RBFOX1: variants seen among roughly 807,000 people sequenced by gnomAD.
RBFOX1 encodes RNA binding fox-1 homolog 1, also known as RNA binding protein fox-1 homolog 1.
RBFOX1 carries 8 observed loss-of-function variants against 57.7 expected under a neutral mutation model. That is an observed-to-expected ratio of 0.14 (90% confidence interval 0.08 to 0.25). RBFOX1 has a LOEUF of 0.25. RBFOX1 is among the 10% of genes least tolerant of loss of function. RBFOX1 has a pLI of 1.00. For synonymous variants in RBFOX1, 326 were observed against 222.4 expected, an observed-to-expected ratio of 1.47 and a Z score of -4.15; for missense variants, 611 against 548.5, an observed-to-expected ratio of 1.11 and a Z score of -1.14.
At chr16:5,529,318 T>C (rs1425634846) in intron 2 of RBFOX1, among the ~76,000 whole-genome samples, 1 of 151,986 alleles carries the variant, frequency 6.6e-6, no homozygotes, top group Admixed American at 6.6e-5. Flanking sequence ...GAAAATTGGA[T>C]TGTTCTGGTA....
chr16:6,898,931 G>A (rs566331272), intron 3 of RBFOX1, among the ~76,000 whole-genome samples: 2 of 151,382 alleles, frequency 1.3e-5, no homozygotes, highest in African/African-American at 4.9e-5. Context: ...GTATATGTGT[G>A]TATGTGTGTA....
intron 1 of RBFOX1, among the ~76,000 whole-genome samples, chr16:6,242,629 AACACAC>A (rs57154832): frequency 1.8e-3 from 248 of 141,624 alleles, no homozygotes; most frequent in African/African-American, 6.3e-3. Flanking sequence ...ATTTATTGCA[AACACAC>A]ACACACACAC....
intron 2 of RBFOX1, among the ~76,000 whole-genome samples, chr16:6,549,515 G>T (rs1311696017): frequency 1.7e-5 from 2 of 120,308 alleles, no homozygotes; most frequent in East Asian, 5.5e-4. Flanking sequence ...GGAAGAGGAG[G>T]AGGAGAGGAG....
At chr16:6,870,745 C>G (rs575510115) in intron 3 of RBFOX1, among the ~76,000 whole-genome samples, 2 of 152,154 alleles carry the variant, frequency 1.3e-5, no homozygotes, top group African/African-American at 4.8e-5. Context: ...CAAAACTCCT[C>G]CCCACCCCAG....
chr16:6,947,392 G>T (rs1030554286), intron 3 of RBFOX1, among the ~76,000 whole-genome samples: 1 of 152,124 alleles, frequency 6.6e-6, no homozygotes, highest in African/African-American at 2.4e-5. Flanking sequence ...CGCTCTCCCT[G>T]GTTTCCTAAG....
chr16:6,571,424 G>A (rs557728120), intron 2 of RBFOX1, among the ~76,000 whole-genome samples: 1 of 152,224 alleles, frequency 6.6e-6, no homozygotes, highest in Non-Finnish European at 1.5e-5. Flanking sequence ...CTATGGCAGA[G>A]ACCCAGTGCT....
At chr16:7,448,255 G>A (rs2098823787) in intron 4 of RBFOX1, among the ~76,000 whole-genome samples, 3 of 152,190 alleles carry the variant, frequency 2.0e-5, no homozygotes, top group African/African-American at 7.2e-5. Context: ...TGTAGGCAAG[G>A]TGGATTCCTT....
At chr16:5,875,803 A>G (rs1407102633) in intron 4 of RBFOX1, among the ~76,000 whole-genome samples, 1 of 150,988 alleles carries the variant, frequency 6.6e-6, no homozygotes, top group Non-Finnish European at 1.5e-5. Flanking sequence ...AAAACTAGGT[A>G]TCTGTTGCTG....
intron 4 of RBFOX1, among the ~76,000 whole-genome samples, chr16:5,932,507 C>G (rs921235710): frequency 6.6e-6 from 1 of 152,226 alleles, no homozygotes; most frequent in African/African-American, 2.4e-5. Context: ...CCATGCCATG[C>G]TAGACATCTG....
At chr16:6,801,453 C>T (rs1383521010) in intron 3 of RBFOX1, among the ~76,000 whole-genome samples, 1 of 152,066 alleles carries the variant, frequency 6.6e-6, no homozygotes, top group East Asian at 1.9e-4. Flanking sequence ...ACATGTGTAG[C>T]CTAATAGCAA....
intron 3 of RBFOX1, among the ~76,000 whole-genome samples, chr16:6,840,649 G>T (rs561391823): frequency 2.9e-4 from 44 of 152,032 alleles, no homozygotes; most frequent in Non-Finnish European, 6.2e-4. Flanking sequence ...AGCACTTTGG[G>T]AGGCCGAGGC....
intron 1 of RBFOX1, among the ~76,000 whole-genome samples, chr16:5,283,230 C>G (rs539235401): frequency 6.6e-6 from 1 of 152,184 alleles, no homozygotes; most frequent in South Asian, 2.1e-4. Flanking sequence ...GTCCAGGCAG[C>G]AGTTTGCTGC....
At chr16:6,246,930 T>G (rs1279413897) in intron 1 of RBFOX1, among the ~76,000 whole-genome samples, 2 of 151,954 alleles carry the variant, frequency 1.3e-5, no homozygotes, top group Non-Finnish European at 2.9e-5. Context: ...ACTAGCCAGG[T>G]GTGGTGGCAG....
rs141936258 is a variant in RBFOX1, at chr16:5,827,617, G to A, written c.319-39686G>A. Among the ~76,000 whole-genome samples the A allele has an allele frequency of 2.9e-3, 436 of 152,244 alleles. 3 individuals are homozygous for A. Among genetic ancestry groups the A allele is most frequent in the African/African-American group, 9.9e-3 (412 of 41,544 alleles). ...CTTAACTACTCAACTCTACTGCAGT[G>A]TGAAGGCAACCACAGAGGGTGTGCA... On this transcript the variant is annotated intron_variant, in intron 3 of 19. Coordinates refer to the RBFOX1 transcript ENST00000641259.
intron 14 of RBFOX1, among the ~76,000 whole-genome samples, chr16:7,691,606 A>C (rs765595051): frequency 6.6e-6 from 1 of 152,152 alleles, no homozygotes; most frequent in Non-Finnish European, 1.5e-5. Flanking sequence ...CTAGTTTCTT[A>C]GAGGGCTGTT....
chr16:5,983,339 C>A (rs578159896), intron 4 of RBFOX1, among the ~76,000 whole-genome samples: 1 of 152,172 alleles, frequency 6.6e-6, no homozygotes, highest in Non-Finnish European at 1.5e-5. Flanking sequence ...CCTGACAGCT[C>A]CTGCACATCC....
At chr16:6,232,101 T>C (rs1412776761) in intron 1 of RBFOX1, among the ~76,000 whole-genome samples, 1 of 152,298 alleles carries the variant, frequency 6.6e-6, no homozygotes, top group Non-Finnish European at 1.5e-5. Context: ...AGAATAATCA[T>C]GCTGATCCAT....
chr16:6,182,172 G>A (rs997991506), intron 1 of RBFOX1, among the ~76,000 whole-genome samples: 1 of 152,096 alleles, frequency 6.6e-6, no homozygotes, highest in African/African-American at 2.4e-5. Context: ...CTTATTCTCT[G>A]GGAAAGAAAA....
At chr16:5,270,639 C>T in intron 1 of RBFOX1, 1 of 566,140 alleles carries the variant, frequency 1.8e-6, no homozygotes. Context: ...ACCTCTTATG[C>T]TCAGCACCAA....
Sources: allele counts gnomAD v4.1 joint callset (sites outside exome capture counted in the v4.1 genomes callset), GRCh38; gene constraint gnomAD v4.1.1; transcripts MANE v1.5; gene names NCBI Gene and HGNC (gene_info 2026-07-23, HGNC 2026-07-21).